Variants in PTPRN2 observed in about 807,000 individuals in gnomAD.
The protein encoded by PTPRN2 is protein tyrosine phosphatase receptor type N2, also known as receptor-type tyrosine-protein phosphatase N2.
In PTPRN2, 74 loss-of-function variants were observed where a neutral mutation model predicts 118.8. That is an observed-to-expected ratio of 0.62 (90% confidence interval 0.52 to 0.76). The LOEUF is 0.76. PTPRN2 is among the 30% of genes least tolerant of loss of function. The probability of loss-of-function intolerance (pLI) is 0.00; values close to 1 mark genes in which losing one functional copy is unlikely to be tolerated. For synonymous variants in PTPRN2, 641 were observed against 608.0 expected (o/e 1.05, Z -0.80); for missense variants, 1,481 against 1,394.4 (o/e 1.06, Z -0.99).
intron 11 of PTPRN2, among the ~76,000 whole-genome samples, chr7:157,912,879 T>C (rs927180577): frequency 2.6e-5 from 4 of 152,232 alleles, no homozygotes; most frequent in Admixed American, 6.5e-5. Flanking sequence ...GTGATCTTTC[T>C]TACTTTAGTG....
chr7:157,712,554 C>T (rs930085519), intron 12 of PTPRN2, among the ~76,000 whole-genome samples: 1 of 152,126 alleles, frequency 6.6e-6, no homozygotes, highest in African/African-American at 2.4e-5. Flanking sequence ...AGTTTAAGAC[C>T]AGCCTGACCA....
At chr7:157,936,123 G>C (rs368302940) in intron 11 of PTPRN2, among the ~76,000 whole-genome samples, 2 of 152,214 alleles carry the variant, frequency 1.3e-5, no homozygotes, top group East Asian at 3.8e-4. Flanking sequence ...TATGACTACA[G>C]CAAATGCAGA....
At chr7:157,930,381 G>A (rs945388250) in intron 11 of PTPRN2, among the ~76,000 whole-genome samples, 1 of 152,210 alleles carries the variant, frequency 6.6e-6, no homozygotes, top group African/African-American at 2.4e-5. Flanking sequence ...TCCTGAGAGG[G>A]GGTCTCTGTT....
intron 11 of PTPRN2, among the ~76,000 whole-genome samples, chr7:157,923,910 TA>T (rs1401581391): frequency 1.3e-5 from 2 of 152,172 alleles, no homozygotes; most frequent in Non-Finnish European, 2.9e-5. Flanking sequence ...GAGCAGAATT[TA>T]AAAAAGCAAC....
At chr7:158,131,432 C>CACACACAT (rs1554550007) in intron 9 of PTPRN2, among the ~76,000 whole-genome samples, 1 of 148,018 alleles carries the variant, frequency 6.8e-6, no homozygotes, top group African/African-American at 2.5e-5. Flanking sequence ...AACACACACA[C>CACACACAT]GAACATACAA....
intron 11 of PTPRN2, 31 bp downstream of exon 11, chr7:158,081,267 T>C (rs747306934): frequency 1.9e-6 from 3 of 1,553,468 alleles, no homozygotes; most frequent in Non-Finnish European, 2.7e-6. Context: ...CACGTGTGTG[T>C]GCGTGTACGT....
intron 3 of PTPRN2, among the ~76,000 whole-genome samples, chr7:158,261,682 A>G (rs1271527090): frequency 1.3e-5 from 2 of 152,120 alleles, no homozygotes; most frequent in Non-Finnish European, 2.9e-5. Flanking sequence ...TCCCCCCAGC[A>G]CACATGGGTC....
At chr7:157,930,641 A>G (rs1563248901) in intron 11 of PTPRN2, among the ~76,000 whole-genome samples, 1 of 152,174 alleles carries the variant, frequency 6.6e-6, no homozygotes, top group African/African-American at 2.4e-5. Context: ...GTGGTGCCTG[A>G]AATCCCTGCC....
At chr7:158,272,272 G>A (rs1418240529) in intron 3 of PTPRN2, among the ~76,000 whole-genome samples, 10 of 152,194 alleles carry the variant, frequency 6.6e-5, no homozygotes, top group Non-Finnish European at 1.5e-5. Context: ...CGGGGCCCGG[G>A]CAGGCCCTGT....
chr7:157,736,065 G>C (rs533223612), intron 12 of PTPRN2, among the ~76,000 whole-genome samples: 62 of 152,294 alleles, frequency 4.1e-4, no homozygotes, highest in African/African-American at 1.4e-3. Flanking sequence ...CATGTGTCCT[G>C]GTCCTGCCTG....
At chr7:158,402,388 T>G (rs943269363) in intron 2 of PTPRN2, among the ~76,000 whole-genome samples, 1 of 151,948 alleles carries the variant, frequency 6.6e-6, no homozygotes, top group African/African-American at 2.4e-5. Flanking sequence ...TCACCTTGAC[T>G]CTCGGAGGTG....
chr7:158,352,217 CTCCCCTCCTGT>C, intron 2 of PTPRN2, among the ~76,000 whole-genome samples: 8 of 10,172 alleles, frequency 7.9e-4, no homozygotes, highest in Non-Finnish European at 1.4e-3. Context: ...CTCCTGACTG[CTCCCCTCCTGT>C]CCGCTCCCCT....
intron 11 of PTPRN2, chr7:158,027,841 C>A (rs1043463667): frequency 2.6e-5 from 4 of 152,180 alleles, no homozygotes; most frequent in Non-Finnish European, 5.9e-5. Context: ...GGGCCCCACC[C>A]CAACAGGGCC....
At chr7:157,743,747 G>A (rs946511568) in intron 12 of PTPRN2, among the ~76,000 whole-genome samples, 3 of 152,068 alleles carry the variant, frequency 2.0e-5, no homozygotes, top group Non-Finnish European at 4.4e-5. Context: ...CTATCTCTGG[G>A]TTGGCTGAGT....
At position 157,676,150 on chromosome 7, in the gene PTPRN2, G is replaced by C; in HGVS notation, c.2001+6575C>G. On this transcript the variant is annotated intron_variant, in intron 13 of 22. Coordinates refer to ENST00000389418, the MANE Select transcript of PTPRN2 (RefSeq NM_002847.5). This position sits in a 1 kb window ranked among gnomAD's most constrained non-coding sequence, Gnocchi z 5.6. ...CAACTTGCAGCCGAGTCCTTTCCACGACACCCCAGCTCCCTGTCTAAACTC... is the reference window on the plus strand; with the variant it reads ...CAACTTGCAGCCGAGTCCTTTCCACCACACCCCAGCTCCCTGTCTAAACTC... 6.6e-6 allele frequency among the ~76,000 whole-genome samples: 1 copy of C among 151,944 alleles called. No individual in the cohort carries two copies. Among genetic ancestry groups the C allele is most frequent in the Non-Finnish European group, 1.5e-5 (1 of 67,984 alleles).
At chr7:157,564,464 G>A (rs1427939856) in intron 21 of PTPRN2, among the ~76,000 whole-genome samples, 2 of 152,216 alleles carry the variant, frequency 1.3e-5, no homozygotes, top group African/African-American at 2.4e-5. Flanking sequence ...ACACTTTTGT[G>A]TAACAAAGAC....
chr7:158,393,874 C>G (rs909968919), intron 2 of PTPRN2, among the ~76,000 whole-genome samples: 3 of 152,044 alleles, frequency 2.0e-5, no homozygotes, highest in Non-Finnish European at 2.9e-5. Flanking sequence ...TCACCTCCCT[C>G]CCCAGCCAAG....
chr7:158,047,142 ACT>A (rs1329127427), intron 11 of PTPRN2, among the ~76,000 whole-genome samples: 1 of 152,174 alleles, frequency 6.6e-6, no homozygotes, highest in Non-Finnish European at 1.5e-5. Flanking sequence ...CTGAGTGCAG[ACT>A]CTGTGTGACA....
At chr7:158,073,678 G>A (rs571922531) in intron 11 of PTPRN2, among the ~76,000 whole-genome samples, 10 of 150,778 alleles carry the variant, frequency 6.6e-5, no homozygotes, top group South Asian at 2.1e-4. Flanking sequence ...CTTTCTATGC[G>A]GAGATGAGGC....
Sources: allele counts gnomAD v4.1 joint callset (sites outside exome capture counted in the v4.1 genomes callset), GRCh38; gene constraint gnomAD v4.1.1; non-coding constraint Gnocchi (gnomAD v3.1); transcripts MANE v1.5; gene names NCBI Gene and HGNC (gene_info 2026-07-23, HGNC 2026-07-21).